DUSP22: variants seen among roughly 807,000 people sequenced by gnomAD.
DUSP22 encodes dual specificity phosphatase 22, also known as dual specificity protein phosphatase 22.
Under a neutral mutation model 24.5 loss-of-function variants are expected in DUSP22, and 24 were observed. That is an observed-to-expected ratio of 0.98 (90% confidence interval 0.71 to 1.38). The LOEUF (loss-of-function observed/expected upper bound fraction) is 1.38, where lower values mean the gene tolerates loss of function less well. DUSP22 is among the 40% of genes most tolerant of loss of function. DUSP22 has a pLI of 0.00. For synonymous variants in DUSP22, 160 were observed against 106.4 expected (o/e 1.50, Z -3.10); for missense variants, 330 against 269.2 (o/e 1.23, Z -1.58).
At chr6:323,213 C>T (rs1351099608) in intron 3 of DUSP22, among the ~76,000 whole-genome samples, 1 of 152,164 alleles carries the variant, frequency 6.6e-6, no homozygotes, top group Admixed American at 6.5e-5. Flanking sequence ...GGCCAGACTC[C>T]CTGGGATGTT....
intron 3 of DUSP22, among the ~76,000 whole-genome samples, chr6:320,682 A>G (rs1758544897): frequency 6.6e-6 from 1 of 152,284 alleles, no homozygotes; most frequent in Non-Finnish European, 1.5e-5. Context: ...AGGCAGCCTT[A>G]TAGGACTAGT....
chr6:311,815 C>A, intron 2 of DUSP22, 65 bp from the exon 3 acceptor site: 2 of 1,420,938 alleles, frequency 1.4e-6, no homozygotes, highest in East Asian at 2.5e-5. Flanking sequence ...TTTTTTCTGG[C>A]TAGACTTTAG....
At position 349,454 on chromosome 6, in the gene DUSP22, A is replaced by T. The variant is rs1366858661; in HGVS notation, c.*503A>T. 1 of 1,005,610 alleles carries T rather than the reference A, an allele frequency of 9.9e-7. No individual in the cohort carries two copies. The highest frequency in any genetic ancestry group is 1.2e-6 in the Non-Finnish European group (1 of 842,762). The allele number at this position is 1,005,610 out of a possible 1,614,324, so 62.3% of individuals were successfully genotyped here. On this transcript the variant is annotated 3_prime_UTR_variant, in exon 7 of 7. Coordinates refer to ENST00000419235, the MANE Select transcript of DUSP22 (RefSeq NM_001286555.3). ...TCCACATGGAAGGCATTTGAGCTCG[A>T]CCTCCGAAAAGCTACCCAGCAAAGA...
chr6:306,176 T>C (rs1351799171), intron 2 of DUSP22, among the ~76,000 whole-genome samples: 6 of 152,426 alleles, frequency 3.9e-5, no homozygotes, highest in African/African-American at 1.4e-4. Flanking sequence ...TAGTGAGTTA[T>C]TAACTGTTTT....
In DUSP22 at chr6:299,344, A is replaced by G. The variant is rs537686472; in HGVS notation, c.22-5284A>G. Among the ~76,000 whole-genome samples, 4 of 152,418 alleles carry G rather than the reference A, an allele frequency of 2.6e-5. No homozygotes were observed. The South Asian group carries it at 6.2e-4, about 24-fold the overall frequency. ...CTGGAAAATTATTTGATTTTATTTC[A>G]TGTTCTCTTTCTCTGTATTCAGGGA... On this transcript the variant is annotated intron_variant, in intron 1 of 6. Transcript: ENST00000419235.
intron 1 of DUSP22, among the ~76,000 whole-genome samples, chr6:295,044 T>C (rs1757262272): frequency 6.6e-6 from 1 of 152,270 alleles, no homozygotes; most frequent in African/African-American, 2.4e-5. Flanking sequence ...AACTTTTCCA[T>C]ATATTACTGT....
chr6:337,837 G>C (rs1194582211), intron 4 of DUSP22, among the ~76,000 whole-genome samples: 2 of 152,300 alleles, frequency 1.3e-5, no homozygotes, highest in African/African-American at 4.8e-5. Flanking sequence ...TAAGTTTATG[G>C]TTTGCTTTTG....
At chr6:328,021 A>G (rs1340785797) in intron 3 of DUSP22, among the ~76,000 whole-genome samples, 1 of 152,308 alleles carries the variant, frequency 6.6e-6, no homozygotes, top group African/African-American at 2.4e-5. Flanking sequence ...AGCAGCTGAG[A>G]TGTGTGATCA....
chr6:297,799 G>A (rs1174530991), intron 1 of DUSP22, among the ~76,000 whole-genome samples: 1 of 152,300 alleles, frequency 6.6e-6, no homozygotes, highest in East Asian at 1.9e-4. Flanking sequence ...ATACGGGAAG[G>A]GCTGGCAGGT....
Position 326,571 on chromosome 6 carries a change from C to A in DUSP22, c.139-8543C>A, listed in dbSNP as rs374950917. On this transcript the variant is annotated intron_variant, in intron 3 of 6. Transcript: ENST00000419235. ...TATCTGCTGGTGCCTGGAGAGTCAT[C>A]TGCCCTGGGCTTCTGCGTCCTGGTG... Among the ~76,000 whole-genome samples, 116 of 152,052 alleles carry A rather than the reference C, an allele frequency of 7.6e-4. No individual in the cohort carries two copies. In the East Asian group the frequency reaches 0.022, roughly 29 times the overall value.
intron 3 of DUSP22, among the ~76,000 whole-genome samples, chr6:321,034 C>T (rs980088533): frequency 3.9e-5 from 6 of 152,290 alleles, no homozygotes; most frequent in South Asian, 2.1e-4. Flanking sequence ...CCAGGGGAGG[C>T]GGCTAACACT....
At chr6:346,207 C>CT (rs1259290378) in intron 5 of DUSP22, among the ~76,000 whole-genome samples, 5 of 152,306 alleles carry the variant, frequency 3.3e-5, no homozygotes, top group African/African-American at 1.2e-4. Context: ...AGAAACTTCC[C>CT]TTTGCTGGCT....
chr6:303,404 G>A (rs556196200), intron 1 of DUSP22, among the ~76,000 whole-genome samples: 1,917 of 151,730 alleles, frequency 0.013, no homozygotes, highest in Admixed American at 0.096. Flanking sequence ...TAGCACTGCC[G>A]CCCTGACATG....
chr6:304,539 A>G, intron 1 of DUSP22, 89 bp from the exon 2 acceptor site: 1 of 1,591,584 alleles, frequency 6.3e-7, no homozygotes. Flanking sequence ...TGGCCTTTGC[A>G]GGGATCCTGC....
At chr6:318,071 G>A (rs1415202653) in intron 3 of DUSP22, among the ~76,000 whole-genome samples, 1 of 152,308 alleles carries the variant, frequency 6.6e-6, no homozygotes, top group South Asian at 2.1e-4. Context: ...GTAAGCAGCG[G>A]TGCCTGTGGA....
At chr6:304,585 T>G in intron 1 of DUSP22, 43 bp from the exon 2 acceptor site, 1 of 1,614,102 alleles carries the variant, frequency 6.2e-7, no homozygotes. Flanking sequence ...TACCATCCAC[T>G]TAGAGTCTGC....
chr6:299,948 T>C (rs969832777), intron 1 of DUSP22, among the ~76,000 whole-genome samples: 2 of 152,294 alleles, frequency 1.3e-5, no homozygotes, highest in African/African-American at 2.4e-5. Flanking sequence ...CATTGTCTGT[T>C]TGTTCACTCA....
In DUSP22 at chr6:328,939, C is replaced by T. The variant is rs867041872; in HGVS notation, c.139-6175C>T. ...TGTAATCTTCCTTGGGATGGGATTT[C>T]GAATTCTGCTTTTTCCCTTTAACCT... On this transcript the variant is annotated intron_variant, in intron 3 of 6. Coordinates refer to ENST00000419235, the MANE Select transcript of DUSP22 (RefSeq NM_001286555.3). 8.5e-5 allele frequency among the ~76,000 whole-genome samples: 13 copies of T among 152,416 alleles called. No individual in the cohort carries two copies. In the East Asian group the frequency reaches 9.6e-4, roughly 11 times the overall value.
Position 304,728 on chromosome 6 carries a change from TTTAAAGTGTATAGGTC to T in DUSP22, c.55+68_55+83del. ...ACATAAAATGTGTCATCTTGACCAT[TTTAAAGTGTATAGGTC>T]AGTGGCTTTAAGTAATTTGCATTGC... On this transcript the variant is annotated intron_variant, in intron 2 of 6. Coordinates refer to ENST00000419235, the MANE Select transcript of DUSP22 (RefSeq NM_001286555.3). 3 of 1,603,452 alleles carry T rather than the reference TTTAAAGTGTATAGGTC, an allele frequency of 1.9e-6. No individual in the cohort carries two copies. In the South Asian group the frequency reaches 3.3e-5, roughly 18 times the overall value.
Sources: gnomAD v4.1 joint callset for allele counts (sites outside exome capture counted in the v4.1 genomes callset) on GRCh38, gnomAD v4.1.1 for gene constraint, MANE v1.5 for transcripts, NCBI Gene and HGNC (gene_info 2026-07-23, HGNC 2026-07-21) for gene names.